Variants in ZNF362 observed in about 807,000 individuals in gnomAD.
ZNF362 encodes zinc finger protein 362.
ZNF362 carries 11 observed loss-of-function variants against 42.9 expected under a neutral mutation model. The observed-to-expected ratio is 0.26, with a 90% CI of 0.16 to 0.42. ZNF362 has a LOEUF of 0.42. ZNF362 is among the 20% of genes least tolerant of loss of function. The pLI is 1.00. For synonymous variants in ZNF362, 255 were observed against 257.3 expected, an observed-to-expected ratio of 0.99 and a Z score of 0.09; for missense variants, 362 against 576.2, an observed-to-expected ratio of 0.63 and a Z score of 3.81.
At chr1:33,181,741 G>C in the ZNF362 span, 2 of 414,830 alleles carry the variant, frequency 4.8e-6, no homozygotes, top group Non-Finnish European at 8.7e-6. This position sits in a 1 kb window ranked among gnomAD's most constrained non-coding sequence, Gnocchi z 6.5. Flanking sequence ...GGAGGTTCTA[G>C]GGGGCGGGGC....
chr1:33,232,565 A>G, the ZNF362 span, among the ~76,000 whole-genome samples: 5 of 152,246 alleles, frequency 3.3e-5, no homozygotes, highest in South Asian at 1.0e-3. Context: ...CCGGCCAGAA[A>G]TGCATTTTTC....
the ZNF362 span, among the ~76,000 whole-genome samples, chr1:33,166,468 C>T: frequency 3.3e-5 from 5 of 152,050 alleles, no homozygotes; most frequent in African/African-American, 4.8e-5. Context: ...CAACATTCTC[C>T]GAGGGCTACA....
At chr1:33,231,344 G>A in the ZNF362 span, among the ~76,000 whole-genome samples, 34 of 152,304 alleles carry the variant, frequency 2.2e-4, no homozygotes, top group Admixed American at 2.2e-3. Context: ...GTTATTGCAT[G>A]ATGGCCACAT....
chr1:33,221,012 G>T, the ZNF362 span, among the ~76,000 whole-genome samples: 1 of 152,162 alleles, frequency 6.6e-6, no homozygotes, highest in African/African-American at 2.4e-5. Flanking sequence ...GGGTGGCAGG[G>T]CTCCTTGGGG....
chr1:33,231,119 G>A, the ZNF362 span, among the ~76,000 whole-genome samples: 3 of 152,158 alleles, frequency 2.0e-5, no homozygotes, highest in East Asian at 1.9e-4. Flanking sequence ...TTTGCATAAT[G>A]ATCTATTTAA....
At chr1:33,248,857 G>T in the ZNF362 span, among the ~76,000 whole-genome samples, 1 of 152,106 alleles carries the variant, frequency 6.6e-6, no homozygotes, top group Non-Finnish European at 1.5e-5. Flanking sequence ...CACCAGTGCC[G>T]GCCACTGCTC....
At chr1:33,213,803 C>T in the ZNF362 span, among the ~76,000 whole-genome samples, 263 of 152,172 alleles carry the variant, frequency 1.7e-3, 1 homozygote, top group Non-Finnish European at 2.6e-3. Flanking sequence ...TGAGATCACG[C>T]CACTGCACTC....
At position 33,281,295 on chromosome 1, in the gene ZNF362, G is replaced by A. The variant is rs1344609371; in HGVS notation, c.684-292G>A. Among the ~76,000 whole-genome samples, 1 of 152,152 alleles carries A rather than the reference G, an allele frequency of 6.6e-6. No homozygotes were observed. Among genetic ancestry groups the A allele is most frequent in the African/African-American group, 2.4e-5 (1 of 41,424 alleles). On this transcript the variant is annotated intron_variant, in intron 5 of 8. Coordinates refer to ENST00000539719, the MANE Select transcript of ZNF362 (RefSeq NM_152493.3). This position sits in a 1 kb window ranked among gnomAD's most constrained non-coding sequence, Gnocchi z 4.8. ...GTGGTAGCGCCTCCTGCCCAGAACC[G>A]TGGGATATAGCCCTGGGCAAACCCT... is the stretch of plus-strand genomic sequence containing the variant.
intron 1 of ZNF362, among the ~76,000 whole-genome samples, chr1:33,257,106 C>A (rs1485428457): frequency 6.6e-6 from 1 of 152,004 alleles, no homozygotes; most frequent in Non-Finnish European, 1.5e-5. Context: ...TTTTGCAGAT[C>A]TGCAGAATAT....
intron 6 of ZNF362, among the ~76,000 whole-genome samples, chr1:33,290,714 C>T (rs551125602): frequency 6.6e-6 from 1 of 152,254 alleles, no homozygotes; most frequent in Non-Finnish European, 1.5e-5. Flanking sequence ...TCCATATCCT[C>T]TCCAGCACCT....
chr1:33,164,339 C>T, the ZNF362 span: 10 of 152,236 alleles, frequency 6.6e-5, no homozygotes, highest in African/African-American at 9.7e-5. Flanking sequence ...AAGGCTCTGC[C>T]GCAGCTCCTG....
chr1:33,173,757 G>A, the ZNF362 span, among the ~76,000 whole-genome samples: 1 of 151,600 alleles, frequency 6.6e-6, no homozygotes, highest in South Asian at 2.1e-4. Flanking sequence ...GAAGTGCAGT[G>A]GTGCAATCAT....
the ZNF362 span, among the ~76,000 whole-genome samples, chr1:33,155,398 G>A: frequency 6.6e-6 from 1 of 151,986 alleles, no homozygotes; most frequent in Non-Finnish European, 1.5e-5. Flanking sequence ...GTGCCTTGAG[G>A]GACTTTTGAT....
the ZNF362 span, chr1:33,164,355 A>G: frequency 2.0e-5 from 3 of 152,298 alleles, no homozygotes; most frequent in Admixed American, 6.5e-5. Context: ...TCCTGCTGAC[A>G]GAGCGGGGTC....
chr1:33,168,442 C>G, the ZNF362 span, among the ~76,000 whole-genome samples: 1 of 151,998 alleles, frequency 6.6e-6, no homozygotes, highest in African/African-American at 2.4e-5. Flanking sequence ...TGTTCCCACT[C>G]AAGTGGATTT....
chr1:33,281,662 G>A lies in ZNF362; in HGVS notation c.759G>A (p.Lys253=). ...QIHSKSHTEA[K]PHKCPHCSKS... is the part of the protein sequence containing the mutation. ...ACTCCAAGTCGCACACAGAGGCCAAGCCCCACAAGTGCCCGCACTGCTCCA... is the reference window on the plus strand; with the variant it reads ...ACTCCAAGTCGCACACAGAGGCCAAACCCCACAAGTGCCCGCACTGCTCCA... Residue 253 remains lysine, a synonymous_variant, in exon 6 of 9, where the codon AAG becomes AAA. Coordinates refer to ENST00000539719, the MANE Select transcript of ZNF362 (RefSeq NM_152493.3). This position sits in a 1 kb window ranked among gnomAD's most constrained non-coding sequence, Gnocchi z 4.8. 6.2e-7 allele frequency: 1 copy of A among 1,614,220 alleles called. No individual in the cohort carries two copies.
chr1:33,247,222 C>G, the ZNF362 span, among the ~76,000 whole-genome samples: 1 of 152,156 alleles, frequency 6.6e-6, no homozygotes, highest in African/African-American at 2.4e-5. Context: ...AAAGAATTTC[C>G]CATTACTATG....
At chr1:33,270,745 T>A in intron 2 of ZNF362, 133 bp downstream of exon 2, 1 of 1,470,970 alleles carries the variant, frequency 6.8e-7, no homozygotes, top group Non-Finnish European at 9.0e-7. Flanking sequence ...GGGGGAGGTG[T>A]GTGCTTACCC....
At chr1:33,298,319 C>T (rs1167207438) in intron 8 of ZNF362, among the ~76,000 whole-genome samples, 1 of 152,180 alleles carries the variant, frequency 6.6e-6, no homozygotes, top group Non-Finnish European at 1.5e-5. Context: ...CACAGCATTC[C>T]AGCCTGGGCG....
Sources: allele counts gnomAD v4.1 joint callset (sites outside exome capture counted in the v4.1 genomes callset), GRCh38; gene constraint gnomAD v4.1.1; non-coding constraint Gnocchi (gnomAD v3.1); transcripts MANE v1.5; gene names NCBI Gene and HGNC (gene_info 2026-07-23, HGNC 2026-07-21).